Variants in ZNF385D observed in about 807,000 individuals in gnomAD.
The protein encoded by ZNF385D is zinc finger protein 659.
In ZNF385D, 15 loss-of-function variants were observed where a neutral mutation model predicts 35.8. The ratio of observed to expected loss-of-function variants is 0.42; its 90% CI spans 0.28 to 0.64. The LOEUF (loss-of-function observed/expected upper bound fraction) is 0.64. ZNF385D is among the 30% of genes least tolerant of loss of function. ZNF385D has a pLI of 0.23. For missense variants in ZNF385D, 474 were observed against 494.6 expected, an observed-to-expected ratio of 0.96 and a Z score of 0.39; for synonymous variants, 212 against 186.8, an observed-to-expected ratio of 1.13 and a Z score of -1.10.
At chr3:22,317,512 C>G (rs563357678) in intron 2 of ZNF385D, among the ~76,000 whole-genome samples, 1 of 152,096 alleles carries the variant, frequency 6.6e-6, no homozygotes, top group East Asian at 1.9e-4. Context: ...AATAAAACCA[C>G]CTTTGATGCT....
intron 2 of ZNF385D, among the ~76,000 whole-genome samples, chr3:22,222,890 T>C (rs1211240588): frequency 1.3e-5 from 2 of 152,126 alleles, no homozygotes. Flanking sequence ...TCGAAAGGCC[T>C]TTTTTGCTGT....
At chr3:22,077,005 G>T (rs1189679552) in intron 3 of ZNF385D, among the ~76,000 whole-genome samples, 1 of 151,820 alleles carries the variant, frequency 6.6e-6, no homozygotes. Flanking sequence ...AGGACTCTTT[G>T]GTTAGAGGCC....
chr3:22,174,733 A>G (rs1008351183), intron 2 of ZNF385D, among the ~76,000 whole-genome samples: 3 of 152,126 alleles, frequency 2.0e-5, no homozygotes, highest in African/African-American at 7.2e-5. Context: ...CTTCATGGCG[A>G]TAACACTGAA....
At chr3:22,159,157 T>G (rs1705783891) in intron 3 of ZNF385D, among the ~76,000 whole-genome samples, 1 of 152,018 alleles carries the variant, frequency 6.6e-6, no homozygotes. Flanking sequence ...TGCACTCTCA[T>G]TTCATACTAC....
At chr3:21,598,666 C>T in intron 2 of ZNF385D, among the ~76,000 whole-genome samples, 1 of 152,242 alleles carries the variant, frequency 6.6e-6, no homozygotes, top group East Asian at 1.9e-4. Context: ...AAATTTATGT[C>T]TGAAGTTATT....
At chr3:22,287,134 TTTTTC>T (rs1327243719) in intron 2 of ZNF385D, among the ~76,000 whole-genome samples, 2 of 152,054 alleles carry the variant, frequency 1.3e-5, no homozygotes, top group African/African-American at 2.4e-5. Context: ...AATGGCCTTC[TTTTTC>T]TTTTGTGACA....
chr3:21,995,990 C>T (rs991858834), intron 3 of ZNF385D, among the ~76,000 whole-genome samples: 1 of 152,044 alleles, frequency 6.6e-6, no homozygotes, highest in Non-Finnish European at 1.5e-5. Flanking sequence ...TAGCTGACAT[C>T]GTGATCCTGC....
At chr3:22,031,651 T>C (rs1698010244) in intron 3 of ZNF385D, among the ~76,000 whole-genome samples, 1 of 152,194 alleles carries the variant, frequency 6.6e-6, no homozygotes, top group Admixed American at 6.5e-5. Flanking sequence ...GAGGGGCTGC[T>C]GAGAAGATCT....
intron 2 of ZNF385D, among the ~76,000 whole-genome samples, chr3:22,357,429 G>T (rs751826624): frequency 6.6e-6 from 1 of 151,768 alleles, no homozygotes; most frequent in Non-Finnish European, 1.5e-5. Context: ...TTTTAATGTG[G>T]TGATTTTAAG....
intron 3 of ZNF385D, among the ~76,000 whole-genome samples, chr3:21,997,664 C>A (rs574146914): frequency 4.0e-5 from 6 of 151,720 alleles, no homozygotes; most frequent in African/African-American, 1.5e-4. Context: ...ATTTCTCTTT[C>A]ACATTTCTCT....
chr3:21,958,919 G>A (rs1024340834), intron 3 of ZNF385D: 1 of 152,018 alleles, frequency 6.6e-6, no homozygotes, highest in African/African-American at 2.4e-5. Flanking sequence ...TACATTTTAT[G>A]CCAGGTGAGA....
At chr3:21,760,559 T>C (rs982453959) in intron 3 of ZNF385D, among the ~76,000 whole-genome samples, 2 of 152,218 alleles carry the variant, frequency 1.3e-5, no homozygotes, top group African/African-American at 2.4e-5. Context: ...ATGGGAAACA[T>C]AAATATCTAA....
intron 3 of ZNF385D, among the ~76,000 whole-genome samples, chr3:21,958,356 C>T (rs532231368): frequency 1.3e-5 from 2 of 152,062 alleles, no homozygotes; most frequent in Non-Finnish European, 2.9e-5. Context: ...TTTCCAGTCA[C>T]AGGAATTTGT....
intron 3 of ZNF385D, among the ~76,000 whole-genome samples, chr3:21,527,719 T>G (rs1255405417): frequency 1.3e-5 from 2 of 151,634 alleles, no homozygotes; most frequent in Non-Finnish European, 2.9e-5. Context: ...TGGAGCAGAA[T>G]GGCCTGAAAA....
At chr3:21,910,301 C>T (rs568130844) in intron 3 of ZNF385D, among the ~76,000 whole-genome samples, 109 of 151,988 alleles carry the variant, frequency 7.2e-4, no homozygotes, top group African/African-American at 2.6e-3. Flanking sequence ...ATATGTTTTA[C>T]GTAGTTTCCA....
chr3:21,783,456 G>T (rs1259556346), intron 3 of ZNF385D, among the ~76,000 whole-genome samples: 1 of 152,104 alleles, frequency 6.6e-6, no homozygotes, highest in Non-Finnish European at 1.5e-5. Flanking sequence ...AAATGCTACT[G>T]TATGTTACCA....
intron 2 of ZNF385D, among the ~76,000 whole-genome samples, chr3:22,322,445 A>G (rs1408564828): frequency 6.6e-6 from 1 of 152,180 alleles, no homozygotes; most frequent in Non-Finnish European, 1.5e-5. Context: ...ATAAAGGAGA[A>G]ACACAGTGAG....
At chr3:21,729,903 T>C (rs1051025199) in intron 1 of ZNF385D, among the ~76,000 whole-genome samples, 2 of 152,194 alleles carry the variant, frequency 1.3e-5, no homozygotes, top group South Asian at 2.1e-4. Context: ...AGGAGCAACC[T>C]ACTCCAGACC....
chr3:21,950,520 T>C (rs1702014373), intron 3 of ZNF385D, among the ~76,000 whole-genome samples: 1 of 151,778 alleles, frequency 6.6e-6, no homozygotes, highest in Admixed American at 6.6e-5. Context: ...ACTCTGATGA[T>C]AGTTTCTTTT....
Sources: gnomAD v4.1 joint callset for allele counts (sites outside exome capture counted in the v4.1 genomes callset) on GRCh38, gnomAD v4.1.1 for gene constraint, MANE v1.5 for transcripts, NCBI Gene and HGNC (gene_info 2026-07-23, HGNC 2026-07-21) for gene names.